The following CERS4 variants were observed in gnomAD, a reference collection of about 807,000 sequenced individuals.
The protein encoded by CERS4 is LAG1 homolog, ceramide synthase 4.
CERS4 carries 65 observed loss-of-function variants against 51.8 expected under a neutral mutation model. The observed-to-expected ratio is 1.26, with a 90% CI of 1.03 to 1.54. The LOEUF (loss-of-function observed/expected upper bound fraction) is 1.54. CERS4 is among the 40% of genes most tolerant of loss of function. CERS4 has a pLI of 0.00. For missense variants in CERS4, 563 were observed against 500.4 expected (o/e 1.13, Z -1.19); for synonymous variants, 228 against 208.4 (o/e 1.09, Z -0.81).
chr19:8,245,918 A>G (rs1458282930), intron 2 of CERS4, among the ~76,000 whole-genome samples: 1 of 150,314 alleles, frequency 6.7e-6, no homozygotes, highest in Non-Finnish European at 1.5e-5. Context: ...AAAAAAAAAA[A>G]AAAAAAAAAG....
chr19:8,261,979 AGGC>A lies in CERS4; in HGVS notation c.1065_1067del (p.Ala356del), dbSNP rs752060566. The A allele has an allele frequency of 1.2e-6, 2 of 1,600,986 alleles. No homozygotes were observed. Among genetic ancestry groups the A allele is most frequent in the Non-Finnish European group, 1.7e-6 (2 of 1,174,088 alleles). ...GTAGAAGAATCAGACTCCAGTGAGG[AGGC>A]GGCGGCGGCCCAGGAACCTCTGCAG... On this transcript the variant is annotated inframe_deletion, in exon 12 of 12. Coordinates refer to ENST00000251363, the MANE Select transcript of CERS4 (RefSeq NM_024552.3).
intron 3 of CERS4, among the ~76,000 whole-genome samples, chr19:8,253,155 C>G (rs368971230): frequency 6.6e-6 from 1 of 152,258 alleles, no homozygotes; most frequent in Non-Finnish European, 1.5e-5. Context: ...TCGGTCCCCA[C>G]CTGTGGTGTT....
intron 2 of CERS4, among the ~76,000 whole-genome samples, chr19:8,228,959 G>T (rs1490589088): frequency 1.3e-5 from 2 of 151,704 alleles, no homozygotes; most frequent in African/African-American, 4.8e-5. Flanking sequence ...CTGGGGCGGA[G>T]GTTGCAATGA....
At chr19:8,237,870 T>C (rs113664350) in intron 2 of CERS4, among the ~76,000 whole-genome samples, 2,534 of 152,100 alleles carry the variant, frequency 0.017, 32 homozygotes, top group South Asian at 0.041. Flanking sequence ...CAAAAAAAAG[T>C]GTTGGATCTC....
At chr19:8,226,499 T>C (rs1967793208) in intron 2 of CERS4, among the ~76,000 whole-genome samples, 1 of 152,126 alleles carries the variant, frequency 6.6e-6, no homozygotes, top group African/African-American at 2.4e-5. Flanking sequence ...GGGGCAGATG[T>C]TAGAGCAGGT....
At chr19:8,242,637 C>A (rs765907259) in intron 2 of CERS4, among the ~76,000 whole-genome samples, 2 of 152,160 alleles carry the variant, frequency 1.3e-5, no homozygotes, top group Non-Finnish European at 2.9e-5. Context: ...GTTTGCCAAA[C>A]AGAGAAAGAA....
At chr19:8,251,938 G>T (rs562505429) in intron 3 of CERS4, among the ~76,000 whole-genome samples, 20 of 151,446 alleles carry the variant, frequency 1.3e-4, no homozygotes, top group East Asian at 7.8e-4. Context: ...ATTTTTTTTT[G>T]AATCTAGGCC....
At chr19:8,230,306 C>T (rs1967958713) in intron 2 of CERS4, among the ~76,000 whole-genome samples, 1 of 152,110 alleles carries the variant, frequency 6.6e-6, no homozygotes, top group Non-Finnish European at 1.5e-5. Flanking sequence ...TCTCCTGCCT[C>T]AGCCTCCCGA....
In CERS4 at chr19:8,257,089, C is replaced by G; in HGVS notation, c.741+12C>G. ...ACTACCTGCTGGAGGTGGGCCCGACCCCTGCCTGACCCTTCCCAGCTGCTG... is the reference window on the plus strand; with the variant it reads ...ACTACCTGCTGGAGGTGGGCCCGACGCCTGCCTGACCCTTCCCAGCTGCTG... On this transcript the variant is annotated intron_variant, in intron 9 of 11. Transcript: ENST00000251363. The G allele has an allele frequency of 6.3e-7, 1 of 1,577,336 alleles. No homozygotes were observed. Among genetic ancestry groups the G allele is most frequent in the Non-Finnish European group, 8.6e-7 (1 of 1,159,568 alleles).
chr19:8,239,105 A>G (rs900852540), intron 2 of CERS4, among the ~76,000 whole-genome samples: 1 of 151,910 alleles, frequency 6.6e-6, no homozygotes, highest in Admixed American at 6.6e-5. Context: ...CATCTCTTTA[A>G]GAAAGAAAAA....
chr19:8,246,640 C>T (rs1183106283), intron 2 of CERS4, among the ~76,000 whole-genome samples: 1 of 152,032 alleles, frequency 6.6e-6, no homozygotes, highest in Non-Finnish European at 1.5e-5. Context: ...AGTTAATGAT[C>T]TGTGTGCTGA....
At chr19:8,253,992 TG>T in intron 3 of CERS4, among the ~76,000 whole-genome samples, 1 of 152,130 alleles carries the variant, frequency 6.6e-6, no homozygotes, top group East Asian at 1.9e-4. Flanking sequence ...TTTCTGACTC[TG>T]GGCCTCCAAA....
At chr19:8,259,555 C>A (rs1198100272) in intron 10 of CERS4, among the ~76,000 whole-genome samples, 2 of 152,022 alleles carry the variant, frequency 1.3e-5, no homozygotes, top group African/African-American at 4.8e-5. Flanking sequence ...GGGGAAACAT[C>A]ATGGGAAGTG....
chr19:8,213,827 G>A (rs1203091180), intron 2 of CERS4, among the ~76,000 whole-genome samples: 5 of 152,130 alleles, frequency 3.3e-5, no homozygotes, highest in Non-Finnish European at 7.3e-5. Context: ...TTAACCCTGT[G>A]TGGTGGCATG....
rs772209431 is a variant in CERS4 at position 8,257,026 on chromosome 19, C to A, written c.690C>A (p.Arg230=). The part of the protein sequence containing the change: ...MTFSYSANLL[R]IGSLVLLLHD... ...TCTCCTACAGTGCCAACCTGCTGCGCATTGGCTCTCTGGTGCTGCTGTTAC... is the reference window on the plus strand; with the variant it reads ...TCTCCTACAGTGCCAACCTGCTGCGAATTGGCTCTCTGGTGCTGCTGTTAC... The change falls in exon 9 of 12, where the codon CGC becomes CGA. Residue 230 remains arginine (R), a synonymous_variant. Coordinates refer to ENST00000251363, the MANE Select transcript of CERS4 (RefSeq NM_024552.3). The A allele has an allele frequency of 2.5e-6, 4 of 1,613,490 alleles. No individual in the cohort carries two copies. The highest frequency in any genetic ancestry group is 3.4e-6 in the Non-Finnish European group (4 of 1,179,640).
chr19:8,254,301 T>C (rs1233168010), intron 3 of CERS4, among the ~76,000 whole-genome samples, 198 bp from the exon 4 acceptor site: 1 of 108,074 alleles, frequency 9.3e-6, no homozygotes, highest in Non-Finnish European at 1.8e-5. Context: ...CCAGCCTGGG[T>C]GACAGTGCAA....
At chr19:8,219,477 C>T (rs1649802260) in intron 2 of CERS4, among the ~76,000 whole-genome samples, 1 of 152,140 alleles carries the variant, frequency 6.6e-6, no homozygotes, top group Admixed American at 6.6e-5. Flanking sequence ...CAAGCCTGGG[C>T]AACATAGTAA....
intron 2 of CERS4, among the ~76,000 whole-genome samples, chr19:8,231,119 A>G (rs1189175242): frequency 6.6e-6 from 1 of 152,138 alleles, no homozygotes; most frequent in Non-Finnish European, 1.5e-5. Context: ...GATTACAGAC[A>G]TAATAGCTGC....
chr19:8,243,224 T>A lies in CERS4; in HGVS notation c.-1-7852T>A, dbSNP rs111662308. ...AAAAAAAAAAAAAAAAAAAAAAAAA[T>A]AGGGGATTGCAGATACCCTGCAGTG... On this transcript the variant is annotated intron_variant, in intron 2 of 11. Transcript: ENST00000251363. Among the ~76,000 whole-genome samples the A allele has an allele frequency of 3.1e-3, 224 of 73,260 alleles. 2 individuals are homozygous for A. Among genetic ancestry groups the A allele is most frequent in the African/African-American group, 0.01 (181 of 17,296 alleles). The allele number at this position is 73,260 out of a possible 152,430, so 48.1% of individuals were successfully genotyped here. A position where few individuals can be genotyped will look rare whatever the true frequency, so the allele number is the denominator to read the frequency against.
Sources: gnomAD v4.1 joint callset for allele counts (sites outside exome capture counted in the v4.1 genomes callset) on GRCh38, gnomAD v4.1.1 for gene constraint, MANE v1.5 for transcripts, NCBI Gene and HGNC (gene_info 2026-07-23, HGNC 2026-07-21) for gene names.